MAGI2: variants seen among roughly 807,000 people sequenced by gnomAD.
MAGI2 encodes membrane-associated guanylate kinase, WW and PDZ domain-containing protein 2.
In MAGI2, 35 loss-of-function variants were observed where a neutral mutation model predicts 133.3. The ratio of observed to expected loss-of-function variants is 0.26; its 90% CI spans 0.20 to 0.35. The LOEUF (loss-of-function observed/expected upper bound fraction) is 0.35, where lower values mean the gene tolerates loss of function less well. Among genes scored for constraint, MAGI2 ranks in the 10% least tolerant of loss-of-function variants. MAGI2 has a pLI of 1.00. For missense variants in MAGI2, 1,636 were observed against 1,863.4 expected, an observed-to-expected ratio of 0.88 and a Z score of 2.25; for synonymous variants, 729 against 710.6, an observed-to-expected ratio of 1.03 and a Z score of -0.41.
intron 1 of MAGI2, among the ~76,000 whole-genome samples, chr7:79,202,362 G>A (rs1828684524): frequency 6.6e-6 from 1 of 151,930 alleles, no homozygotes; most frequent in South Asian, 2.1e-4. Flanking sequence ...TGAATTTAAT[G>A]TTTGGCTTTT....
intron 1 of MAGI2, among the ~76,000 whole-genome samples, chr7:79,063,964 G>A (rs191616400): frequency 2.0e-5 from 3 of 152,214 alleles, no homozygotes; most frequent in Non-Finnish European, 4.4e-5. Context: ...CTGGCATAGA[G>A]ATCACATCAA....
At chr7:79,424,235 G>T (rs984589882) in intron 1 of MAGI2, among the ~76,000 whole-genome samples, 2 of 150,326 alleles carry the variant, frequency 1.3e-5, no homozygotes, top group African/African-American at 5.0e-5. Flanking sequence ...CACCCATGTT[G>T]TTGCAAATGG....
At chr7:78,481,260 T>C (rs1007525301) in intron 6 of MAGI2, among the ~76,000 whole-genome samples, 1 of 151,942 alleles carries the variant, frequency 6.6e-6, no homozygotes, top group Admixed American at 6.6e-5. Context: ...AGAAAACTTA[T>C]AATCATGGCA....
chr7:79,216,010 C>A (rs1040560550), intron 1 of MAGI2, among the ~76,000 whole-genome samples: 2 of 151,948 alleles, frequency 1.3e-5, no homozygotes, highest in Admixed American at 6.5e-5. Flanking sequence ...AAACCCGCAG[C>A]GCTAAATGGG....
At chr7:78,475,535 G>C (rs904196123) in intron 6 of MAGI2, among the ~76,000 whole-genome samples, 1 of 151,902 alleles carries the variant, frequency 6.6e-6, no homozygotes. Context: ...AACTTGAAAG[G>C]AAAGGTAATA....
At chr7:78,878,160 A>C (rs550679374) in intron 2 of MAGI2, among the ~76,000 whole-genome samples, 1 of 152,320 alleles carries the variant, frequency 6.6e-6, no homozygotes, top group African/African-American at 2.4e-5. Context: ...ACAGATAAGT[A>C]ATCAATATAT....
intron 2 of MAGI2, among the ~76,000 whole-genome samples, chr7:78,738,575 A>G (rs1822093641): frequency 6.6e-6 from 1 of 152,192 alleles, no homozygotes; most frequent in Non-Finnish European, 1.5e-5. Flanking sequence ...ATTATATTTC[A>G]AAGGGTGCAT....
intron 16 of MAGI2, among the ~76,000 whole-genome samples, chr7:78,156,336 T>C (rs975458688): frequency 1.3e-5 from 2 of 152,102 alleles, no homozygotes; most frequent in African/African-American, 4.8e-5. Flanking sequence ...CTCAGAGATA[T>C]GTTCATCTGT....
intron 1 of MAGI2, among the ~76,000 whole-genome samples, chr7:79,434,211 G>A (rs1847983968): frequency 6.6e-6 from 1 of 152,004 alleles, no homozygotes; most frequent in Admixed American, 6.5e-5. Flanking sequence ...GGAGATCCAT[G>A]GTAATGTCAT....
At chr7:79,350,543 C>T (rs1436028717) in intron 1 of MAGI2, among the ~76,000 whole-genome samples, 1 of 152,004 alleles carries the variant, frequency 6.6e-6, no homozygotes, top group Non-Finnish European at 1.5e-5. Context: ...AGTCCCTCTT[C>T]CACCTTATAG....
Position 78,474,979 on chromosome 7 carries a change from T to C in MAGI2, c.1045+14782A>G, listed in dbSNP as rs894129521. 2.0e-5 allele frequency among the ~76,000 whole-genome samples: 3 copies of C among 152,024 alleles called. No homozygotes were observed. The South Asian group carries it at 6.2e-4, about 32-fold the overall frequency. ...AAAAAAACCCTGGAAGTCCACATCATGGTACTTCAAGTTTTATGTTGTTCA... is the reference window on the plus strand; with the variant it reads ...AAAAAAACCCTGGAAGTCCACATCACGGTACTTCAAGTTTTATGTTGTTCA... On this transcript the variant is annotated intron_variant, in intron 6 of 21. Coordinates refer to ENST00000354212, the MANE Select transcript of MAGI2 (RefSeq NM_012301.4).
At chr7:78,159,593 C>G (rs1186675345) in intron 16 of MAGI2, among the ~76,000 whole-genome samples, 1 of 152,148 alleles carries the variant, frequency 6.6e-6, no homozygotes. Context: ...CCACCTTAAG[C>G]CTTCTGCCTG....
intron 16 of MAGI2, among the ~76,000 whole-genome samples, chr7:78,142,321 C>CA (rs1447516028): frequency 5.9e-5 from 9 of 152,222 alleles, no homozygotes; most frequent in Non-Finnish European, 1.2e-4. Context: ...TTGCGCCACT[C>CA]CACTGTTCTT....
intron 9 of MAGI2, among the ~76,000 whole-genome samples, chr7:78,284,457 T>A (rs1406094601): frequency 6.6e-6 from 1 of 151,132 alleles, no homozygotes; most frequent in African/African-American, 2.4e-5. Flanking sequence ...TTTCTTTTTT[T>A]TTTTTTTTAA....
chr7:78,951,128 C>T (rs2363927), intron 2 of MAGI2, among the ~76,000 whole-genome samples: 91,146 of 151,650 alleles, frequency 0.6, 27,650 homozygotes, highest in Non-Finnish European at 0.64. Flanking sequence ...TGCACCACCA[C>T]GCCTGGCTAA....
intron 20 of MAGI2, among the ~76,000 whole-genome samples, chr7:78,123,515 A>G (rs1236898731): frequency 6.6e-6 from 1 of 152,158 alleles, no homozygotes; most frequent in Non-Finnish European, 1.5e-5. Flanking sequence ...ACTAAGTAAA[A>G]CAACGGTTAC....
At chr7:79,068,832 T>C (rs1325989307) in intron 1 of MAGI2, among the ~76,000 whole-genome samples, 1 of 152,228 alleles carries the variant, frequency 6.6e-6, no homozygotes, top group East Asian at 1.9e-4. Context: ...ATTTCTGCTT[T>C]CATTTCGTTA....
At chr7:78,659,286 T>TA (rs1812654970) in intron 2 of MAGI2, among the ~76,000 whole-genome samples, 1 of 151,950 alleles carries the variant, frequency 6.6e-6, no homozygotes, top group South Asian at 2.1e-4. Context: ...CCATCTCTAT[T>TA]AAAAATACAA....
intron 2 of MAGI2, among the ~76,000 whole-genome samples, chr7:78,646,483 C>A (rs1187849076): frequency 6.6e-6 from 1 of 152,130 alleles, no homozygotes; most frequent in East Asian, 1.9e-4. Context: ...TGTTTTCTCT[C>A]CTACCAGTGA....
Sources: allele counts gnomAD v4.1 joint callset (sites outside exome capture counted in the v4.1 genomes callset), GRCh38; gene constraint gnomAD v4.1.1; transcripts MANE v1.5; gene names NCBI Gene and HGNC (gene_info 2026-07-23, HGNC 2026-07-21).